C13orf46: variants seen among roughly 807,000 people sequenced by gnomAD.
The protein encoded by C13orf46 is uncharacterized protein C13orf46.
At chr13:113,967,042 C>T (rs2052657063) in intron 5 of C13orf46, among the ~76,000 whole-genome samples, 1 of 152,186 alleles carries the variant, frequency 6.6e-6, no homozygotes, top group African/African-American at 2.4e-5. Context: ...AACGTGATCC[C>T]CCACAAGAGG....
the C13orf46 span, among the ~76,000 whole-genome samples, chr13:113,930,050 T>G: frequency 6.6e-6 from 1 of 152,212 alleles, no homozygotes; most frequent in African/African-American, 2.4e-5. Flanking sequence ...GGTGCTTTTA[T>G]GCCACGTGCA....
At chr13:113,940,455 C>G in the C13orf46 span, among the ~76,000 whole-genome samples, 1 of 151,918 alleles carries the variant, frequency 6.6e-6, no homozygotes, top group Non-Finnish European at 1.5e-5. Flanking sequence ...GGACCCTGGT[C>G]TCCTCTAGGA....
intron 6 of C13orf46, among the ~76,000 whole-genome samples, chr13:113,958,281 C>A (rs1011977792): frequency 1.3e-5 from 2 of 152,192 alleles, no homozygotes; most frequent in Non-Finnish European, 2.9e-5. Flanking sequence ...CTGCATGCAC[C>A]CCATTTCATC....
chr13:113,950,081 C>T (rs2052483013), downstream of C13orf46, among the ~76,000 whole-genome samples: 1 of 113,130 alleles, frequency 8.8e-6, no homozygotes, highest in Non-Finnish European at 1.9e-5. Flanking sequence ...TCAATGCACC[C>T]ATCTGTAGAG....
At chr13:113,950,623 C>A (rs2052484964), downstream of C13orf46, among the ~76,000 whole-genome samples, 1 of 152,354 alleles carries the variant, frequency 6.6e-6, no homozygotes, top group Admixed American at 6.5e-5. Flanking sequence ...CTGGACACAG[C>A]ATTGCAACAC....
chr13:113,929,378 C>T, the C13orf46 span, among the ~76,000 whole-genome samples: 1 of 152,234 alleles, frequency 6.6e-6, no homozygotes, highest in Non-Finnish European at 1.5e-5. Flanking sequence ...ACCCACCTCC[C>T]GCTGCACATG....
the C13orf46 span, among the ~76,000 whole-genome samples, chr13:113,945,072 G>A: frequency 1.2e-4 from 18 of 151,114 alleles, no homozygotes; most frequent in Non-Finnish European, 2.4e-4. Flanking sequence ...AGTCCTCCAG[G>A]TGTGTGACGG....
At chr13:113,961,311 G>A (rs1224119239) in intron 6 of C13orf46, among the ~76,000 whole-genome samples, 1 of 151,722 alleles carries the variant, frequency 6.6e-6, no homozygotes, top group Non-Finnish European at 1.5e-5. Flanking sequence ...TATAATATCA[G>A]TCATAATTTT....
chr13:113,950,219 C>T (rs1270664537), downstream of C13orf46, among the ~76,000 whole-genome samples: 924 of 137,698 alleles, frequency 6.7e-3, 22 homozygotes, highest in African/African-American at 0.021. Context: ...CCTTGGGAAC[C>T]TCGGTGCTCC....
the C13orf46 span, among the ~76,000 whole-genome samples, chr13:113,938,664 G>A: frequency 6.6e-6 from 1 of 152,180 alleles, no homozygotes; most frequent in African/African-American, 2.4e-5. Flanking sequence ...TTCAGCCTCC[G>A]ACGTCTTTGG....
chr13:113,935,836 TGTGCCCCCAGGGGCCATGCTTGGG>T, the C13orf46 span, among the ~76,000 whole-genome samples: 2 of 152,364 alleles, frequency 1.3e-5, no homozygotes, highest in Admixed American at 6.5e-5. Flanking sequence ...TAAACAGCCC[TGTGCCCCCAGGGGCCATGCTTGGG>T]CCTAGTGTCA....
chr13:113,966,227 G>A (rs2052645477), intron 5 of C13orf46, among the ~76,000 whole-genome samples: 1 of 151,086 alleles, frequency 6.6e-6, no homozygotes, highest in African/African-American at 2.4e-5. Context: ...TGGTGGTGAT[G>A]ATGGGGATAG....
the C13orf46 span, among the ~76,000 whole-genome samples, chr13:113,931,974 T>C: frequency 0.065 from 9,893 of 152,178 alleles, 417 homozygotes; most frequent in African/African-American, 0.11. Context: ...GCTCCTCTGA[T>C]GACACTGACC....
chr13:113,946,627 TG>T, the C13orf46 span, among the ~76,000 whole-genome samples: 2 of 152,172 alleles, frequency 1.3e-5, no homozygotes, highest in Non-Finnish European at 2.9e-5. Context: ...AGGAGGGCAC[TG>T]GGGTGGGAGC....
the C13orf46 span, among the ~76,000 whole-genome samples, chr13:113,948,302 TG>T: frequency 6.6e-6 from 1 of 152,186 alleles, no homozygotes; most frequent in African/African-American, 2.4e-5. Flanking sequence ...GCCCAGTGAC[TG>T]GGGAGGCACA....
intron 6 of C13orf46, among the ~76,000 whole-genome samples, chr13:113,958,743 C>T (rs888668083): frequency 3.9e-5 from 6 of 152,316 alleles, no homozygotes; most frequent in South Asian, 4.1e-4. Flanking sequence ...TGGCAATCAT[C>T]GTGCCCATGA....
In C13orf46 at chr13:113,955,661, CAAG is replaced by C. The variant is rs1310313293; in HGVS notation, c.*1109_*1111del. The C allele has an allele frequency of 2.6e-5, 1 of 39,026 alleles. No individual in the cohort carries two copies. Among genetic ancestry groups the C allele is most frequent in the African/African-American group, 8.3e-5 (1 of 11,990 alleles). The allele number at this position is 39,026 out of a possible 1,614,324, so 2.4% of individuals were successfully genotyped here. A position where few individuals can be genotyped will look rare whatever the true frequency, so the allele number is the denominator to read the frequency against. ...GACGAGGAGTAGTGTCTGGCAGAGA[CAAG>C]GAGTAGTGTCTGGCAGAGACGAGGA... On this transcript the variant is annotated 3_prime_UTR_variant, in exon 7 of 7. Coordinates refer to ENST00000636427, the MANE Select transcript of C13orf46 (RefSeq NM_001365455.2).
the C13orf46 span, among the ~76,000 whole-genome samples, chr13:113,933,776 A>G: frequency 6.6e-6 from 1 of 152,242 alleles, no homozygotes; most frequent in African/African-American, 2.4e-5. Flanking sequence ...AAAGTTGCCG[A>G]ATAGTACAGA....
chr13:113,948,208 A>G, the C13orf46 span, among the ~76,000 whole-genome samples: 3 of 152,222 alleles, frequency 2.0e-5, no homozygotes, highest in African/African-American at 7.2e-5. Context: ...CCAGCCCCAG[A>G]AGAGCCCACA....
Sources: allele counts gnomAD v4.1 joint callset (sites outside exome capture counted in the v4.1 genomes callset), GRCh38; gene constraint gnomAD v4.1.1; transcripts MANE v1.5; gene names NCBI Gene and HGNC (gene_info 2026-07-23, HGNC 2026-07-21).